The following ACSS3 variants were observed in gnomAD, a reference collection of about 807,000 sequenced individuals.
The protein encoded by ACSS3 is acyl-CoA synthetase short-chain family member 3, mitochondrial.
Under a neutral mutation model 84.2 loss-of-function variants are expected in ACSS3, and 64 were observed. The observed-to-expected ratio is 0.76, with a 90% confidence interval of 0.62 to 0.94. The LOEUF (loss-of-function observed/expected upper bound fraction) is 0.94. ACSS3 is among the 40% of genes least tolerant of loss of function. The probability of loss-of-function intolerance (pLI) is 0.00; values close to 1 mark genes in which losing one functional copy is unlikely to be tolerated. For synonymous variants in ACSS3, 317 were observed against 310.1 expected (o/e 1.02, Z -0.23); for missense variants, 815 against 867.6 (o/e 0.94, Z 0.76).
At chr12:81,093,902 A>G (rs1881841801) in intron 1 of ACSS3, among the ~76,000 whole-genome samples, 1 of 152,112 alleles carries the variant, frequency 6.6e-6, no homozygotes, top group African/African-American at 2.4e-5. Context: ...TTCTGTTCTT[A>G]TAGAGAAATG....
chr12:81,221,612 C>T (rs139779997), intron 11 of ACSS3, among the ~76,000 whole-genome samples: 79 of 152,114 alleles, frequency 5.2e-4, no homozygotes, highest in African/African-American at 1.8e-3. Context: ...CATTTTAAAA[C>T]AACATATCCA....
intron 1 of ACSS3, among the ~76,000 whole-genome samples, chr12:81,079,124 A>C (rs1056661996): frequency 6.6e-6 from 1 of 152,200 alleles, no homozygotes; most frequent in South Asian, 2.1e-4. Context: ...CCCAGAAAGA[A>C]TACAGATAGA....
chr12:81,162,763 T>C (rs757406778), intron 7 of ACSS3, among the ~76,000 whole-genome samples: 20 of 152,080 alleles, frequency 1.3e-4, no homozygotes, highest in Non-Finnish European at 2.6e-4. Context: ...TCAGCCCCCT[T>C]TGATCCCCCT....
intron 13 of ACSS3, among the ~76,000 whole-genome samples, chr12:81,237,010 G>T (rs1158991411): frequency 6.6e-6 from 1 of 151,468 alleles, no homozygotes; most frequent in Non-Finnish European, 1.5e-5. Flanking sequence ...AAGGGAGGGA[G>T]GCAGCCGTCC....
chr12:81,107,045 A>AT (rs199557307), intron 1 of ACSS3, among the ~76,000 whole-genome samples: 3 of 151,862 alleles, frequency 2.0e-5, no homozygotes, highest in South Asian at 2.1e-4. Flanking sequence ...TAGACAGGTT[A>AT]TTTTTTTTAA....
chr12:81,107,128 G>A (rs973842821), intron 1 of ACSS3, among the ~76,000 whole-genome samples: 1 of 152,032 alleles, frequency 6.6e-6, no homozygotes, highest in Non-Finnish European at 1.5e-5. Context: ...GGAGATCAAA[G>A]TGGAAGTTGA....
chr12:81,157,863 C>A (rs1886958001), intron 7 of ACSS3, among the ~76,000 whole-genome samples: 1 of 150,754 alleles, frequency 6.6e-6, no homozygotes, highest in Admixed American at 6.6e-5. Flanking sequence ...GCATACACAC[C>A]AGAAGGGTAG....
At chr12:81,195,433 T>C in intron 8 of ACSS3, among the ~76,000 whole-genome samples, 1 of 152,106 alleles carries the variant, frequency 6.6e-6, no homozygotes, top group East Asian at 1.9e-4. Flanking sequence ...TTTTAATAAT[T>C]TAATGTTTAA....
At chr12:81,233,254 T>C (rs1483574217) in intron 12 of ACSS3, 95 bp from the exon 13 acceptor site, 2 of 1,389,412 alleles carry the variant, frequency 1.4e-6, no homozygotes, top group Non-Finnish European at 2.0e-6. Flanking sequence ...TCACAGTAAA[T>C]CCATTTCTAT....
chr12:81,093,225 G>A (rs979766969), intron 1 of ACSS3, among the ~76,000 whole-genome samples: 10 of 151,986 alleles, frequency 6.6e-5, no homozygotes, highest in African/African-American at 2.2e-4. Context: ...CAAGGTAAGC[G>A]GATCAATTGG....
At chr12:81,197,023 A>T (rs1379170980) in intron 8 of ACSS3, among the ~76,000 whole-genome samples, 2 of 152,224 alleles carry the variant, frequency 1.3e-5, no homozygotes, top group Non-Finnish European at 2.9e-5. Flanking sequence ...AGATAATTTT[A>T]TTCTGTGAAT....
intron 4 of ACSS3, 75 bp from the exon 5 acceptor site, chr12:81,143,032 T>C: frequency 7.4e-7 from 1 of 1,345,400 alleles, no homozygotes; most frequent in African/African-American, 1.5e-5. Context: ...CAGACTTAAA[T>C]AGATTTAGCT....
chr12:81,174,927 A>G lies in ACSS3; in HGVS notation c.1238A>G (p.Tyr413Cys), dbSNP rs1439860979. 8 of 1,613,740 alleles carry G rather than the reference A, an allele frequency of 5.0e-6. No homozygotes were observed. The highest frequency in any genetic ancestry group is 6.8e-6 in the Non-Finnish European group (8 of 1,179,750). ...CCTGGGGCAGCTTTGGGGAAGCAGT[A>G]CTCTCTGACAAGGTGACGTTGGGAT... The part of the protein sequence containing the change: ...QDPGAALGKQ[Y>C]SLTRFKTLFV... The change falls in exon 8 of 16, where the codon TAC (tyrosine) becomes TGC (cysteine). Residue 413 changes from tyrosine to cysteine, a missense_variant. Tyr to Cys is a radical substitution (Grantham distance 194). Coordinates refer to ENST00000548058, the MANE Select transcript of ACSS3 (RefSeq NM_024560.4).
chr12:81,079,588 G>A (rs1466465222), intron 1 of ACSS3, among the ~76,000 whole-genome samples: 3 of 152,158 alleles, frequency 2.0e-5, no homozygotes, highest in African/African-American at 7.2e-5. Flanking sequence ...TGAGCACCTT[G>A]CCCCTTCCTA....
intron 8 of ACSS3, among the ~76,000 whole-genome samples, chr12:81,190,833 T>C (rs577027501): frequency 3.5e-4 from 54 of 152,238 alleles, no homozygotes; most frequent in African/African-American, 1.2e-3. Context: ...CTTCATCTTC[T>C]GATGACCATG....
chr12:81,188,291 A>T (rs911246581), intron 8 of ACSS3, among the ~76,000 whole-genome samples: 3 of 152,156 alleles, frequency 2.0e-5, no homozygotes, highest in African/African-American at 7.2e-5. Flanking sequence ...AGTTTATGTC[A>T]TTACTTTAAA....
At chr12:81,163,380 A>C (rs1887247851) in intron 7 of ACSS3, among the ~76,000 whole-genome samples, 1 of 151,692 alleles carries the variant, frequency 6.6e-6, no homozygotes, top group Admixed American at 6.6e-5. Flanking sequence ...CACGTTTGTG[A>C]TGCTGGTATA....
At chr12:81,224,040 C>T (rs922463672) in intron 11 of ACSS3, among the ~76,000 whole-genome samples, 19 of 152,024 alleles carry the variant, frequency 1.2e-4, no homozygotes, top group Middle Eastern at 6.8e-3. Context: ...TCACCTTTCC[C>T]CTTCAGAATG....
chr12:81,146,347 C>T (rs2135740587), intron 5 of ACSS3, among the ~76,000 whole-genome samples: 1 of 152,186 alleles, frequency 6.6e-6, no homozygotes, highest in South Asian at 2.1e-4. Context: ...ATGGGATCCA[C>T]AGAATGTAAG....
Sources: allele counts gnomAD v4.1 joint callset (sites outside exome capture counted in the v4.1 genomes callset), GRCh38; gene constraint gnomAD v4.1.1; transcripts MANE v1.5; gene names NCBI Gene and HGNC (gene_info 2026-07-23, HGNC 2026-07-21).